The following PPARGC1A variants were observed in gnomAD, a reference collection of about 807,000 sequenced individuals.
The protein encoded by PPARGC1A is peroxisome proliferator-activated receptor gamma coactivator 1-alpha.
Under a neutral mutation model 88.7 loss-of-function variants are expected in PPARGC1A, and 25 were observed. That is an observed-to-expected ratio of 0.28 (90% CI 0.21 to 0.39). The LOEUF is 0.39. Ranked by LOEUF, PPARGC1A falls within the 10% of genes least tolerant of loss-of-function variation. The pLI, the probability that PPARGC1A is intolerant of heterozygous loss-of-function variation, is 1.00. For synonymous variants in PPARGC1A, 363 were observed against 355.6 expected, an observed-to-expected ratio of 1.02 and a Z score of -0.24; for missense variants, 880 against 968.7, an observed-to-expected ratio of 0.91 and a Z score of 1.22.
chr4:24,075,216 G>A, the PPARGC1A span, among the ~76,000 whole-genome samples: 4 of 152,120 alleles, frequency 2.6e-5, no homozygotes, highest in Non-Finnish European at 5.9e-5. Context: ...TAAAAACAAC[G>A]AAGTTGCCAC....
chr4:24,470,418 G>T, the PPARGC1A span, among the ~76,000 whole-genome samples: 4 of 152,074 alleles, frequency 2.6e-5, no homozygotes, highest in South Asian at 8.3e-4. The surrounding 1 kb of genome is among the most constrained non-coding windows in gnomAD (Gnocchi z 5.8). Context: ...ATCCTGGGCG[G>T]ATGCAAGGAA....
intron 10 of PPARGC1A, among the ~76,000 whole-genome samples, chr4:23,807,735 T>TTG (rs578197512): frequency 0.023 from 3,456 of 150,114 alleles, 118 homozygotes; most frequent in African/African-American, 0.071. Flanking sequence ...TTTTTTTCTT[T>TTG]TGTGTGTGTG....
the PPARGC1A span, among the ~76,000 whole-genome samples, chr4:24,182,671 C>A: frequency 2.0e-5 from 3 of 152,276 alleles, no homozygotes; most frequent in East Asian, 5.8e-4. Flanking sequence ...TGTCTCCTGA[C>A]TTTTTGATAA....
chr4:24,274,064 G>C, the PPARGC1A span, among the ~76,000 whole-genome samples: 1 of 151,954 alleles, frequency 6.6e-6, no homozygotes, highest in African/African-American at 2.4e-5. Flanking sequence ...AGTCCTGTGG[G>C]GCAGCAACTT....
chr4:23,996,674 T>G, the PPARGC1A span, among the ~76,000 whole-genome samples: 1 of 152,176 alleles, frequency 6.6e-6, no homozygotes, highest in Admixed American at 6.6e-5. Flanking sequence ...CCTATAAAGA[T>G]TTAGGCCAAA....
chr4:24,227,262 CTTTTAGTAGAA>C, the PPARGC1A span, among the ~76,000 whole-genome samples: 36 of 151,956 alleles, frequency 2.4e-4, no homozygotes, highest in Middle Eastern at 0.01. Context: ...TGTTTTTGTA[CTTTTAGTAGAA>C]ACAGGGTTTC....
chr4:24,169,384 G>A, the PPARGC1A span, among the ~76,000 whole-genome samples: 1 of 152,028 alleles, frequency 6.6e-6, no homozygotes, highest in Non-Finnish European at 1.5e-5. Flanking sequence ...CCAGAAATTC[G>A]AATCAAGCAT....
At chr4:24,020,170 C>T in the PPARGC1A span, among the ~76,000 whole-genome samples, 3 of 152,310 alleles carry the variant, frequency 2.0e-5, no homozygotes, top group East Asian at 5.8e-4. Context: ...ACAAGCCAGT[C>T]TACCACCCAA....
chr4:24,389,580 C>T, the PPARGC1A span, among the ~76,000 whole-genome samples: 1 of 152,122 alleles, frequency 6.6e-6, no homozygotes, highest in South Asian at 2.1e-4. Flanking sequence ...AAGCACATAG[C>T]TAATGTTAGC....
the PPARGC1A span, among the ~76,000 whole-genome samples, chr4:24,387,922 GAA>G: frequency 3.2e-4 from 4 of 12,418 alleles, no homozygotes; most frequent in Admixed American, 1.9e-3. Flanking sequence ...AAGAAAGAAA[GAA>G]AGAAAGAAAG....
chr4:24,432,152 T>C, the PPARGC1A span, among the ~76,000 whole-genome samples: 1 of 151,582 alleles, frequency 6.6e-6, no homozygotes, highest in Non-Finnish European at 1.5e-5. Context: ...GGAAAGAAAG[T>C]GAAGTTAAAA....
the PPARGC1A span, among the ~76,000 whole-genome samples, chr4:24,323,733 C>T: frequency 0.45 from 68,392 of 152,026 alleles, 15,711 homozygotes; most frequent in African/African-American, 0.5. Context: ...TGTCGTGACT[C>T]GGATCGGGGG....
the PPARGC1A span, among the ~76,000 whole-genome samples, chr4:24,263,908 C>T: frequency 4.6e-5 from 7 of 152,010 alleles, no homozygotes; most frequent in Non-Finnish European, 1.0e-4. Flanking sequence ...CCCTACCATG[C>T]CCAGCTAATT....
chr4:24,031,925 C>T, the PPARGC1A span, among the ~76,000 whole-genome samples: 2 of 152,138 alleles, frequency 1.3e-5, no homozygotes, highest in Non-Finnish European at 2.9e-5. Flanking sequence ...GAAGCTGAAG[C>T]CCAGAGAGGG....
the PPARGC1A span, among the ~76,000 whole-genome samples, chr4:23,975,032 G>C: frequency 1.4e-4 from 21 of 151,686 alleles, no homozygotes; most frequent in African/African-American, 2.7e-4. Context: ...CCATGGCTAC[G>C]GGCGCAGCAC....
At chr4:23,918,862 C>T in the PPARGC1A span, among the ~76,000 whole-genome samples, 2 of 152,148 alleles carry the variant, frequency 1.3e-5, no homozygotes, top group Admixed American at 6.5e-5. Flanking sequence ...TAGGAGCAAG[C>T]GGCCTCTGTG....
the PPARGC1A span, among the ~76,000 whole-genome samples, chr4:24,323,869 C>A: frequency 6.6e-6 from 1 of 152,196 alleles, no homozygotes. Flanking sequence ...ATCCGGTAAG[C>A]GGCCTCTTTT....
intron 2 of PPARGC1A, among the ~76,000 whole-genome samples, chr4:23,877,254 C>T (rs1417980150): frequency 2.0e-5 from 3 of 150,920 alleles, no homozygotes; most frequent in Non-Finnish European, 2.9e-5. Flanking sequence ...CAGTGGCTCA[C>T]GCCTGTAATC....
At chr4:24,030,344 T>C in the PPARGC1A span, among the ~76,000 whole-genome samples, 14 of 152,174 alleles carry the variant, frequency 9.2e-5, no homozygotes, top group Admixed American at 5.9e-4. Flanking sequence ...CACCAGAAAA[T>C]ACAGTTCACA....
Sources: allele counts gnomAD v4.1 joint callset (sites outside exome capture counted in the v4.1 genomes callset), GRCh38; gene constraint gnomAD v4.1.1; non-coding constraint Gnocchi (gnomAD v3.1); transcripts MANE v1.5; gene names NCBI Gene and HGNC (gene_info 2026-07-23, HGNC 2026-07-21).